The following SPTBN4 variants were observed in gnomAD, a reference collection of about 807,000 sequenced individuals.
The protein encoded by SPTBN4 is spectrin beta, non-erythrocytic 4.
A neutral mutation model predicts 277.8 loss-of-function variants in SPTBN4; 96 were observed. That is an observed-to-expected ratio of 0.35 (90% CI 0.29 to 0.41). The LOEUF is 0.41. SPTBN4 is among the 10% of genes least tolerant of loss of function. The pLI, the probability that SPTBN4 is intolerant of heterozygous loss-of-function variation, is 1.00. For synonymous variants in SPTBN4, 1,481 were observed against 1,580.3 expected (o/e 0.94, Z 1.49); for missense variants, 3,006 against 3,595.7 (o/e 0.84, Z 4.19).
chr19:40,566,986 A>C (rs975481803), intron 30 of SPTBN4: 6 of 271,362 alleles, frequency 2.2e-5, no homozygotes, highest in African/African-American at 1.2e-4. Context: ...AAAAAAAACA[A>C]CAAAAAAAAA....
At chr19:40,488,957 C>T (rs372235304) in intron 3 of SPTBN4, among the ~76,000 whole-genome samples, 4 of 151,956 alleles carry the variant, frequency 2.6e-5, no homozygotes, top group East Asian at 1.9e-4. Flanking sequence ...GCCACTGCAC[C>T]GGGCAGAGAC....
chr19:40,554,290 G>C lies in SPTBN4; in HGVS notation c.4818G>C (p.Leu1606=). ...LEQLQSAWAG[L]REAAERRQQV... ...AGCTGCAGAGCGCCTGGGCCGGACT[G>C]CGGGAGGCTGCCGAGCGACGGCAGC... Residue 1606 remains leucine (L), a synonymous_variant, in exon 23 of 36, where the codon CTG becomes CTC. Transcript: ENST00000598249. The surrounding 1 kb of genome is among the most constrained non-coding windows in gnomAD (Gnocchi z 5.7). 1 of 1,538,984 alleles carries C rather than the reference G, an allele frequency of 6.5e-7. No homozygotes were observed. Among genetic ancestry groups the C allele is most frequent in the Non-Finnish European group, 8.7e-7 (1 of 1,148,648 alleles).
chr19:40,554,638 C>A lies in SPTBN4; in HGVS notation c.5076C>A (p.His1692Gln), dbSNP rs1420818044. The change falls in exon 24 of 36, where the codon CAC becomes CAA. Residue 1692 changes from histidine to glutamine, a missense_variant. Physicochemically the swap from His to Gln is conservative, Grantham distance 24. Coordinates refer to ENST00000598249, the MANE Select transcript of SPTBN4 (RefSeq NM_020971.3). The surrounding 1 kb of genome is among the most constrained non-coding windows in gnomAD (Gnocchi z 5.7). Reference protein sequence around the residue: ...RQCRALLEMGHPDSEQISRRQ... With the variant: ...RQCRALLEMGQPDSEQISRRQ... ...GCCGGGCGCTGCTGGAGATGGGGCA[C>A]CCGGACAGGTGGGCGGGCGCGTGGC... 15 of 1,588,396 alleles carry A rather than the reference C, an allele frequency of 9.4e-6. No individual in the cohort carries two copies. The highest frequency in any genetic ancestry group is 1.3e-5 in the Non-Finnish European group (15 of 1,167,004).
intron 3 of SPTBN4, among the ~76,000 whole-genome samples, chr19:40,489,617 G>C (rs932759204): frequency 1.3e-5 from 2 of 152,080 alleles, no homozygotes; most frequent in African/African-American, 4.8e-5. Context: ...CGAACTCCTC[G>C]CCTCAAGTGA....
intron 20 of SPTBN4, among the ~76,000 whole-genome samples, chr19:40,548,437 G>A (rs2080881049): frequency 6.6e-6 from 1 of 152,140 alleles, no homozygotes; most frequent in South Asian, 2.1e-4. Context: ...GTTGCAGTGA[G>A]CTGAGGTTGC....
At chr19:40,532,897 G>A (rs1436959968) in intron 19 of SPTBN4, 126 bp downstream of exon 19, 1 of 1,166,840 alleles carries the variant, frequency 8.6e-7, no homozygotes, top group African/African-American at 1.6e-5. Context: ...ACTCAAATCA[G>A]CTCCAGATCT....
intron 2 of SPTBN4, among the ~76,000 whole-genome samples, chr19:40,487,123 G>A (rs957506401): frequency 2.0e-5 from 3 of 150,304 alleles, no homozygotes; most frequent in Non-Finnish European, 3.0e-5. Context: ...TGCAACCTCC[G>A]CTCCCTGGTT....
At chr19:40,575,069 C>G (rs1048624697) in intron 35 of SPTBN4, among the ~76,000 whole-genome samples, 1 of 150,916 alleles carries the variant, frequency 6.6e-6, no homozygotes, top group Non-Finnish European at 1.5e-5. Flanking sequence ...AATTAAATTG[C>G]TCCATGTTTA....
At position 40,519,665 on chromosome 19, in the gene SPTBN4, G is replaced by A; in HGVS notation, c.3168G>A (p.Ala1056=). Reference sequence around the variant, plus strand: ...TGGCTGAGCGCTTCCCGGCGCAGGCGGCGCGGCTGCACCAGGGCGCGGAGG... The same window carrying A: ...TGGCTGAGCGCTTCCCGGCGCAGGCAGCGCGGCTGCACCAGGGCGCGGAGG... ...ALLAERFPAQ[A]ARLHQGAEEL... Residue 1056 remains alanine (A), a synonymous_variant, in exon 16 of 36, where the codon GCG becomes GCA. Transcript: ENST00000598249. The surrounding 1 kb of genome is among the most constrained non-coding windows in gnomAD (Gnocchi z 5.7). 2.9e-6 allele frequency: 4 copies of A among 1,393,912 alleles called. No homozygotes were observed. Among genetic ancestry groups the A allele is most frequent in the South Asian group, 1.6e-5 (1 of 62,380 alleles). 86.3% of individuals were successfully genotyped at this position (1,393,912 alleles called of 1,614,324 possible).
chr19:40,529,023 T>G lies in SPTBN4; in HGVS notation c.3858-18T>G. On this transcript the variant is annotated intron_variant, in intron 17 of 35. Transcript: ENST00000598249. The stretch of plus-strand genomic sequence containing the variant: ...CCAACCCGGGGCCTTTCCCCAGCCC[T>G]TATCTCCCCATCCCCAGGAACCAAG... 6.2e-7 allele frequency: 1 copy of G among 1,611,132 alleles called. No homozygotes were observed. Among genetic ancestry groups the G allele is most frequent in the Non-Finnish European group, 8.5e-7 (1 of 1,177,796 alleles).
chr19:40,554,722 G>T lies in SPTBN4; in HGVS notation c.5084+76G>T. ...CTTCGCTGTTGGGAGTTGGCGCAGC[G>T]CTGGAATTGGACGTTGGGTGGGAGA... On this transcript the variant is annotated intron_variant, in intron 24 of 35. Coordinates refer to ENST00000598249, the MANE Select transcript of SPTBN4 (RefSeq NM_020971.3). This position sits in a 1 kb window ranked among gnomAD's most constrained non-coding sequence, Gnocchi z 5.7. The T allele has an allele frequency of 6.4e-7, 1 of 1,551,024 alleles. No individual in the cohort carries two copies. Among genetic ancestry groups the T allele is most frequent in the Non-Finnish European group, 8.7e-7 (1 of 1,147,796 alleles).
intron 1 of SPTBN4, 125 bp from the exon 2 acceptor site, chr19:40,472,482 C>G (rs2079896195): frequency 1.2e-6 from 1 of 851,798 alleles, no homozygotes; most frequent in African/African-American, 1.7e-5. Context: ...TAGGCCTTAT[C>G]ATTGTTATTA....
chr19:40,479,363 T>TTG (rs1568758077), intron 2 of SPTBN4, among the ~76,000 whole-genome samples: 1 of 152,150 alleles, frequency 6.6e-6, no homozygotes, highest in African/African-American at 2.4e-5. Flanking sequence ...CCTCCACAGT[T>TTG]TGTGGCTCAC....
At position 40,513,472 on chromosome 19, in the gene SPTBN4, C is replaced by T; in HGVS notation, c.2683C>T (p.Leu895=). ...RMFGEVHACE[L]WIGEKEQWLL... ...GTTTGGCGAGGTGCACGCGTGTGAG[C>T]TGTGGATCGGCGAGAAGGAGCAATG... is the stretch of plus-strand genomic sequence containing the variant. The change falls in exon 14 of 36, where the codon CTG becomes TTG. Residue 895 remains leucine (L), a synonymous_variant. Coordinates refer to ENST00000598249, the MANE Select transcript of SPTBN4 (RefSeq NM_020971.3). The T allele has an allele frequency of 1.2e-6, 2 of 1,602,536 alleles. No individual in the cohort carries two copies. The highest frequency in any genetic ancestry group is 8.5e-7 in the Non-Finnish European group (1 of 1,178,940).
At chr19:40,540,253 C>T (rs1326838568) in intron 20 of SPTBN4, among the ~76,000 whole-genome samples, 1 of 152,100 alleles carries the variant, frequency 6.6e-6, no homozygotes, top group South Asian at 2.1e-4. Flanking sequence ...TGTCATAAAA[C>T]TGAGAGCATA....
intron 30 of SPTBN4, among the ~76,000 whole-genome samples, chr19:40,566,852 C>A (rs528295002): frequency 6.6e-6 from 1 of 152,040 alleles, no homozygotes; most frequent in East Asian, 1.9e-4. Context: ...GTAATCCCAG[C>A]TACTCGGGAG....
At chr19:40,534,370 G>T (rs1257100184) in intron 20 of SPTBN4, 27 bp downstream of exon 20, 2 of 1,607,548 alleles carry the variant, frequency 1.2e-6, no homozygotes, top group East Asian at 4.5e-5. Context: ...CCAGATGAGG[G>T]CTCCCTATGC....
chr19:40,557,168 T>A lies in SPTBN4; in HGVS notation c.5435T>A (p.Leu1812Gln), dbSNP rs2080990275. The change falls in exon 26 of 36, where the codon CTG (leucine) becomes CAG (glutamine). Residue 1812 changes from leucine (L) to glutamine (Q), a missense_variant. Around this residue, in one of 5 missense-constraint regions of SPTBN4, gnomAD observed 425 missense variants for 594.7 expected, o/e 0.71. Coordinates refer to ENST00000598249, the MANE Select transcript of SPTBN4 (RefSeq NM_020971.3). Reference sequence around the variant, plus strand: ...ACCATGGCCGAGTGGAAGGACGGACTGAACGAGGCCTGGGCTGAGCTGCTG... The same window carrying A: ...ACCATGGCCGAGTGGAAGGACGGACAGAACGAGGCCTGGGCTGAGCTGCTG... Reference protein sequence around the residue: ...AATMAEWKDGLNEAWAELLEL... With the variant: ...AATMAEWKDGQNEAWAELLEL... The A allele has an allele frequency of 6.2e-7, 1 of 1,611,028 alleles. No homozygotes were observed. Among genetic ancestry groups the A allele is most frequent in the Non-Finnish European group, 8.5e-7 (1 of 1,177,702 alleles).
At position 40,557,040 on chromosome 19, in the gene SPTBN4, C is replaced by A; in HGVS notation, c.5307C>A (p.Phe1769Leu). 1 of 1,363,860 alleles carries A rather than the reference C, an allele frequency of 7.3e-7. No individual in the cohort carries two copies. The highest frequency in any genetic ancestry group is 9.8e-7 in the Non-Finnish European group (1 of 1,022,468). The allele number at this position is 1,363,860 out of a possible 1,614,324, so 84.5% of individuals were successfully genotyped here. The change falls in exon 26 of 36, where the codon TTC (phenylalanine) becomes TTA (leucine). Residue 1769 changes from phenylalanine to leucine, a missense_variant. This residue lies in a region of SPTBN4 where 425 missense variants were observed against 594.7 expected (regional missense o/e 0.71). Transcript: ENST00000598249. ...GATGGCAGGTGCTGCAGGAGAAATT[C>A]TCAGAGTTTGCCAGCGAGACAGGTA... is the stretch of plus-strand genomic sequence containing the variant. ...FEHVSVLQEK[F>L]SEFASETGMA...
Sources: gnomAD v4.1 joint callset for allele counts (sites outside exome capture counted in the v4.1 genomes callset) on GRCh38, gnomAD v4.1.1 for gene constraint, gnomAD v4.1.1 regional missense constraint, Gnocchi (gnomAD v3.1) non-coding constraint, MANE v1.5 for transcripts, NCBI Gene and HGNC (gene_info 2026-07-23, HGNC 2026-07-21) for gene names.